AUTS2: variants seen among roughly 807,000 people sequenced by gnomAD.
AUTS2 encodes activator of transcription and developmental regulator AUTS2.
A neutral mutation model predicts 112.4 loss-of-function variants in AUTS2; 17 were observed. That is an observed-to-expected ratio of 0.15 (90% CI 0.10 to 0.23). AUTS2 has a LOEUF of 0.23. Among genes scored for constraint, AUTS2 ranks in the 10% least tolerant of loss-of-function variants. AUTS2 has a pLI of 1.00. For missense variants in AUTS2, 1,510 were observed against 1,701.6 expected (o/e 0.89, Z 1.98); for synonymous variants, 751 against 702.7 (o/e 1.07, Z -1.09).
intron 5 of AUTS2, among the ~76,000 whole-genome samples, chr7:70,522,578 A>T (rs1435784722): frequency 2.6e-5 from 4 of 152,190 alleles, no homozygotes; most frequent in Non-Finnish European, 5.9e-5. Flanking sequence ...TTCCTGTATT[A>T]ATTTGGTTAG....
Position 70,211,744 on chromosome 7 carries a change from TGGGA to T in AUTS2, c.660+77176_660+77179del, listed in dbSNP as rs575053723. Among the ~76,000 whole-genome samples the T allele has an allele frequency of 9.1e-3, 1,382 of 152,094 alleles. 5 individuals carry two copies. The highest frequency in any genetic ancestry group is 0.016 in the Non-Finnish European group (1,076 of 68,002). ...GCTCATGCCTGTAATCTCAGCACTTTGGGAGGCCGAGGCAGGTGGATCACGAGGT... is the reference window on the plus strand; with the variant it reads ...GCTCATGCCTGTAATCTCAGCACTTTGGCCGAGGCAGGTGGATCACGAGGT... On this transcript the variant is annotated intron_variant, in intron 4 of 18. Transcript: ENST00000342771.
chr7:70,230,386 T>C (rs1242238289), intron 4 of AUTS2, among the ~76,000 whole-genome samples: 3 of 152,212 alleles, frequency 2.0e-5, no homozygotes, highest in South Asian at 4.1e-4. Flanking sequence ...TTACCACTTA[T>C]ATAAGCCTAG....
At chr7:70,556,200 C>T (rs1801243683) in intron 5 of AUTS2, among the ~76,000 whole-genome samples, 1 of 152,128 alleles carries the variant, frequency 6.6e-6, no homozygotes. Flanking sequence ...CGATGCCACA[C>T]ACCTTCAAAC....
chr7:70,637,993 G>A (rs1203678560), intron 5 of AUTS2, among the ~76,000 whole-genome samples: 1 of 152,172 alleles, frequency 6.6e-6, no homozygotes, highest in African/African-American at 2.4e-5. Context: ...GGGACAGGAA[G>A]TGGCTGTGAA....
chr7:69,992,758 G>T (rs571254656), intron 2 of AUTS2, among the ~76,000 whole-genome samples: 5 of 152,106 alleles, frequency 3.3e-5, no homozygotes, highest in Non-Finnish European at 7.4e-5. Flanking sequence ...GGTGGTGTGC[G>T]CCTGTAGTCC....
intron 5 of AUTS2, among the ~76,000 whole-genome samples, chr7:70,652,028 C>T (rs1332943321): frequency 2.6e-5 from 4 of 152,158 alleles, no homozygotes; most frequent in Admixed American, 2.6e-4. Flanking sequence ...ACATTGCACA[C>T]GCCGTCACGG....
At chr7:69,798,551 G>A (rs1373504808) in intron 1 of AUTS2, among the ~76,000 whole-genome samples, 1 of 151,958 alleles carries the variant, frequency 6.6e-6, no homozygotes, top group Non-Finnish European at 1.5e-5. Flanking sequence ...ATTATGCATT[G>A]TCCATATGTT....
chr7:70,439,538 C>CAAAAA (rs71077657), intron 5 of AUTS2, among the ~76,000 whole-genome samples: 13 of 73,232 alleles, frequency 1.8e-4, no homozygotes, highest in South Asian at 6.4e-4. Context: ...GACTCCATCT[C>CAAAAA]AAAAAAAAAA....
At chr7:70,337,002 C>A (rs1055895375) in intron 4 of AUTS2, among the ~76,000 whole-genome samples, 2 of 152,158 alleles carry the variant, frequency 1.3e-5, no homozygotes, top group Non-Finnish European at 2.9e-5. Context: ...GTATTGGCTA[C>A]CGATTTAAAA....
chr7:69,607,707 C>A (rs891332234), intron 1 of AUTS2, among the ~76,000 whole-genome samples: 3 of 152,110 alleles, frequency 2.0e-5, no homozygotes, highest in African/African-American at 7.2e-5. Flanking sequence ...GTGCCATACC[C>A]CCTTGTTACC....
At chr7:70,421,510 G>T (rs941210517) in intron 4 of AUTS2, among the ~76,000 whole-genome samples, 6 of 152,188 alleles carry the variant, frequency 3.9e-5, no homozygotes, top group Non-Finnish European at 7.3e-5. Flanking sequence ...CTCTGTCACA[G>T]GGGTGTTGTG....
chr7:70,263,253 G>A (rs2129607567), intron 4 of AUTS2, among the ~76,000 whole-genome samples: 1 of 151,992 alleles, frequency 6.6e-6, no homozygotes, highest in Admixed American at 6.6e-5. Flanking sequence ...TTTAATATAG[G>A]GATATCCAAT....
chr7:69,885,239 A>G (rs1794222556), intron 1 of AUTS2, among the ~76,000 whole-genome samples: 1 of 152,192 alleles, frequency 6.6e-6, no homozygotes, highest in South Asian at 2.1e-4. Flanking sequence ...ATTGAGTCAC[A>G]TAGGCAGAAC....
chr7:69,962,590 G>C (rs981608142), intron 2 of AUTS2, among the ~76,000 whole-genome samples: 5 of 152,068 alleles, frequency 3.3e-5, no homozygotes, highest in Non-Finnish European at 7.4e-5. Context: ...TAAGCTAAAC[G>C]TCTGAGTTGT....
intron 5 of AUTS2, among the ~76,000 whole-genome samples, chr7:70,677,676 G>A (rs1048043587): frequency 1.3e-5 from 2 of 152,008 alleles, no homozygotes; most frequent in African/African-American, 4.8e-5. Context: ...TCCTGCCTCG[G>A]CCTCCCAAGG....
At chr7:69,653,086 T>C (rs1795364475) in intron 1 of AUTS2, among the ~76,000 whole-genome samples, 1 of 152,188 alleles carries the variant, frequency 6.6e-6, no homozygotes, top group Non-Finnish European at 1.5e-5. Flanking sequence ...GGTTCCTGCA[T>C]TGAAGGGACT....
chr7:70,366,794 G>A (rs1792591177), intron 4 of AUTS2, among the ~76,000 whole-genome samples: 1 of 152,272 alleles, frequency 6.6e-6, no homozygotes, highest in Non-Finnish European at 1.5e-5. Context: ...GGAGGTAAGG[G>A]TAATTCTGAG....
chr7:70,465,071 A>G (rs564638456), intron 5 of AUTS2, among the ~76,000 whole-genome samples: 1 of 152,250 alleles, frequency 6.6e-6, no homozygotes, highest in Non-Finnish European at 1.5e-5. Flanking sequence ...CAGCCGGCCT[A>G]CTTCTACTGA....
chr7:69,885,029 T>G (rs561531448), intron 1 of AUTS2, among the ~76,000 whole-genome samples: 1 of 152,110 alleles, frequency 6.6e-6, no homozygotes, highest in Admixed American at 6.5e-5. Context: ...AATAGAAGAC[T>G]GGGGGTGAAG....
Sources: gnomAD v4.1 joint callset for allele counts (sites outside exome capture counted in the v4.1 genomes callset) on GRCh38, gnomAD v4.1.1 for gene constraint, MANE v1.5 for transcripts, NCBI Gene and HGNC (gene_info 2026-07-23, HGNC 2026-07-21) for gene names.